MYPN: variants seen among roughly 807,000 people sequenced by gnomAD.
The protein encoded by MYPN is myopalladin, also known as sarcomeric protein myopalladin, 145 kDa (MYOP).
MYPN carries 63 observed loss-of-function variants against 129.4 expected under a neutral mutation model. The ratio of observed to expected loss-of-function variants is 0.49; its 90% CI spans 0.40 to 0.60. The LOEUF (loss-of-function observed/expected upper bound fraction) is 0.60. Ranked by LOEUF, MYPN falls within the 20% of genes least tolerant of loss-of-function variation. The pLI is 0.00. For synonymous variants in MYPN, 629 were observed against 600.9 expected, an observed-to-expected ratio of 1.05 and a Z score of -0.68; for missense variants, 1,596 against 1,635.4, an observed-to-expected ratio of 0.98 and a Z score of 0.42.
intron 1 of MYPN, among the ~76,000 whole-genome samples, chr10:68,093,711 C>T (rs1332498111): frequency 6.6e-6 from 1 of 150,634 alleles, no homozygotes; most frequent in East Asian, 1.9e-4. Context: ...GAGCCGAGAT[C>T]GCACCACTGC....
rs754204322 is a variant in MYPN, at chr10:68,122,040, A to C, written c.602A>C (p.Asp201Ala). The change falls in exon 2 of 20, where the codon GAT becomes GCT. Residue 201 changes from aspartate (D) to alanine (A), a missense_variant. Transcript: ENST00000358913. ...CAGGAAAACAGCTCCAGTTTCTCAG[A>C]TCTGTCAGAAAGACGAGAAAGATCT... ...VMQENSSSFS[D>A]LSERRERSSV... 12 of 1,614,230 alleles carry C rather than the reference A, an allele frequency of 7.4e-6. No individual in the cohort carries two copies. Among genetic ancestry groups the C allele is most frequent in the Non-Finnish European group, 1.0e-5 (12 of 1,180,042 alleles).
At chr10:68,174,737 G>A (rs1346133325) in intron 11 of MYPN, 81 bp downstream of exon 11, 3 of 1,340,142 alleles carry the variant, frequency 2.2e-6, no homozygotes, top group East Asian at 2.3e-5. Context: ...CTGAAACAGG[G>A]CTCTCATTTT....
chr10:68,190,397 A>G (rs1432864866), intron 13 of MYPN, among the ~76,000 whole-genome samples: 3 of 152,026 alleles, frequency 2.0e-5, no homozygotes, highest in Non-Finnish European at 4.4e-5. Flanking sequence ...ATGTTAGCCA[A>G]GCTGCTCTCA....
chr10:68,202,592 C>A (rs545825305), intron 18 of MYPN, among the ~76,000 whole-genome samples: 31 of 152,288 alleles, frequency 2.0e-4, no homozygotes, highest in Non-Finnish European at 3.7e-4. Context: ...CCATCCATCA[C>A]TAAATGATTG....
At chr10:68,209,040 G>A (rs2043863171) in intron 19 of MYPN, among the ~76,000 whole-genome samples, 1 of 152,156 alleles carries the variant, frequency 6.6e-6, no homozygotes, top group African/African-American at 2.4e-5. Context: ...GAGGTATGTA[G>A]ACTGGAAAAC....
At position 68,189,142 on chromosome 10, in the gene MYPN, A is replaced by G; in HGVS notation, c.2925+16A>G. The G allele has an allele frequency of 1.9e-6, 3 of 1,598,272 alleles. No homozygotes were observed. The highest frequency in any genetic ancestry group is 2.6e-6 in the Non-Finnish European group (3 of 1,165,738). On this transcript the variant is annotated intron_variant, in intron 13 of 19. Coordinates refer to ENST00000358913, the MANE Select transcript of MYPN (RefSeq NM_032578.4). Reference sequence around the variant, plus strand: ...TGTTCCAAAGGTAGGGAAGATGACAAGCCAGTTGGCCACCTCACAGCATGA... The same window carrying G: ...TGTTCCAAAGGTAGGGAAGATGACAGGCCAGTTGGCCACCTCACAGCATGA...
At chr10:68,106,537 T>C (rs2042015024), upstream of MYPN, 1 of 659,328 alleles carries the variant, frequency 1.5e-6, no homozygotes. Flanking sequence ...AAATACGGCA[T>C]AGAGGTTTTG....
At chr10:68,098,701 G>A (rs181545480) in intron 1 of MYPN, among the ~76,000 whole-genome samples, 272 of 152,184 alleles carry the variant, frequency 1.8e-3, no homozygotes, top group African/African-American at 6.2e-3. Context: ...AAATTAGCCC[G>A]GTGTGGTGGC....
chr10:68,152,008 C>T (rs760377926), intron 6 of MYPN, among the ~76,000 whole-genome samples: 6 of 152,102 alleles, frequency 3.9e-5, no homozygotes, highest in Non-Finnish European at 5.9e-5. Flanking sequence ...GACATCAATC[C>T]GTACATGTAA....
rs752426180 is a variant in MYPN at position 68,189,003 on chromosome 10, T to C, written c.2802T>C (p.His934=). ...PVDESDDEIQ[H]DEIPTGKCIA... ...ATGAATCAGATGATGAAATTCAACA[T>C]GATGAGATCCCCACGGGCAAGTGTA... Residue 934 remains histidine, a synonymous_variant, in exon 13 of 20, where the codon CAT becomes CAC. Transcript: ENST00000358913. 1.2e-6 allele frequency: 2 copies of C among 1,614,136 alleles called. No homozygotes were observed. Among genetic ancestry groups the C allele is most frequent in the Non-Finnish European group, 1.7e-6 (2 of 1,180,008 alleles).
chr10:68,143,529 C>T (rs1005100156), intron 3 of MYPN, among the ~76,000 whole-genome samples: 3 of 152,004 alleles, frequency 2.0e-5, no homozygotes, highest in African/African-American at 7.2e-5. Context: ...TCTTAAGACA[C>T]AGATATGAGC....
At position 68,169,181 on chromosome 10, in the gene MYPN, T is replaced by TAAAAAAAAAAAAA. The variant is rs59317396; in HGVS notation, c.1973+2530_1973+2542dup. Among the ~76,000 whole-genome samples, 24 of 91,070 alleles carry TAAAAAAAAAAAAA rather than the reference T, an allele frequency of 2.6e-4. 2 individuals are homozygous for TAAAAAAAAAAAAA. Among genetic ancestry groups the TAAAAAAAAAAAAA allele is most frequent in the African/African-American group, 1.5e-3 (23 of 14,914 alleles). The allele number at this position is 91,070 out of a possible 152,430, so 59.7% of individuals were successfully genotyped here. A position where few individuals can be genotyped will look rare whatever the true frequency, so the allele number is the denominator to read the frequency against. On this transcript the variant is annotated intron_variant, in intron 10 of 19. Coordinates refer to ENST00000358913, the MANE Select transcript of MYPN (RefSeq NM_032578.4). Reference sequence around the variant, plus strand: ...TAACACGGTGAAACTCCGTCTCTACTAAAAAAAAAAAAAAAAAAAAAAAAA... The same window carrying TAAAAAAAAAAAAA: ...TAACACGGTGAAACTCCGTCTCTACTAAAAAAAAAAAAAAAAAAAAAAAAAAAAAAAAAAAAAA...
intron 18 of MYPN, among the ~76,000 whole-genome samples, chr10:68,205,632 A>T (rs1006389406): frequency 3.3e-5 from 5 of 151,722 alleles, no homozygotes; most frequent in Non-Finnish European, 5.9e-5. Flanking sequence ...GGGTGCAGTG[A>T]GCCGAGATCA....
intron 6 of MYPN, among the ~76,000 whole-genome samples, chr10:68,154,457 G>A (rs374374269): frequency 6.6e-6 from 1 of 152,200 alleles, no homozygotes; most frequent in Non-Finnish European, 1.5e-5. Flanking sequence ...TAACTGGGCC[G>A]GTAGTGGGAT....
At chr10:68,198,000 A>C (rs2043640265) in intron 16 of MYPN, among the ~76,000 whole-genome samples, 1 of 152,200 alleles carries the variant, frequency 6.6e-6, no homozygotes, top group Non-Finnish European at 1.5e-5. Flanking sequence ...GGAACGAAAC[A>C]CAATTGAAAA....
rs2043864474 is a variant in MYPN at position 68,209,138 on chromosome 10, G to A, written c.3794-1148G>A. On this transcript the variant is annotated intron_variant, in intron 19 of 19. Transcript: ENST00000358913. ...CAGCTTTCCAGGACCCAGAGCACGAGAGTTCCCCACCTAGGGAACGCCCTT... is the reference window on the plus strand; with the variant it reads ...CAGCTTTCCAGGACCCAGAGCACGAAAGTTCCCCACCTAGGGAACGCCCTT... Among the ~76,000 whole-genome samples, 3 of 152,236 alleles carry A rather than the reference G, an allele frequency of 2.0e-5. No homozygotes were observed. The South Asian group carries it at 6.2e-4, about 32-fold the overall frequency.
At chr10:68,203,519 T>C (rs191397348) in intron 18 of MYPN, among the ~76,000 whole-genome samples, 234 of 151,940 alleles carry the variant, frequency 1.5e-3, no homozygotes, top group African/African-American at 5.4e-3. Context: ...AACTCAGGAT[T>C]TGAAGGCTGC....
chr10:68,174,521 G>T lies in MYPN; in HGVS notation c.2429G>T (p.Arg810Leu), dbSNP rs1021994218. 1.2e-6 allele frequency: 2 copies of T among 1,613,970 alleles called. No individual in the cohort carries two copies. The highest frequency in any genetic ancestry group is 1.1e-5 in the South Asian group (1 of 91,068). The change falls in exon 11 of 20, where the codon CGC becomes CTC. Residue 810 changes from arginine (R) to leucine (L), a missense_variant. Coordinates refer to ENST00000358913, the MANE Select transcript of MYPN (RefSeq NM_032578.4). ...SIPSGNQFQP[R>L]CVSPIPVSPT... ...CCCAGCGGAAACCAGTTTCAGCCCC[G>T]CTGTGTGTCCCCAATTCCTGTCTCT...
chr10:68,185,299 C>T (rs974262883), intron 12 of MYPN, among the ~76,000 whole-genome samples: 3 of 152,040 alleles, frequency 2.0e-5, no homozygotes, highest in African/African-American at 7.2e-5. Context: ...CTTCTGCTTG[C>T]TTTAGTCTTT....
Sources: gnomAD v4.1 joint callset for allele counts (sites outside exome capture counted in the v4.1 genomes callset) on GRCh38, gnomAD v4.1.1 for gene constraint, MANE v1.5 for transcripts, NCBI Gene and HGNC (gene_info 2026-07-23, HGNC 2026-07-21) for gene names.